ADARB1: variants seen among roughly 807,000 people sequenced by gnomAD.
The protein encoded by ADARB1 is double-stranded RNA-specific editase 1.
In ADARB1, 10 loss-of-function variants were observed where a neutral mutation model predicts 52.4. The observed-to-expected ratio is 0.19, with a 90% confidence interval of 0.12 to 0.32. ADARB1 has a LOEUF of 0.32. Among genes scored for constraint, ADARB1 ranks in the 10% least tolerant of loss-of-function variants. ADARB1 has a pLI of 1.00. For synonymous variants in ADARB1, 349 were observed against 371.1 expected (o/e 0.94, Z 0.68); for missense variants, 643 against 922.3 (o/e 0.70, Z 3.92).
intron 2 of ADARB1, among the ~76,000 whole-genome samples, chr21:45,137,952 G>A (rs1019732141): frequency 1.3e-5 from 2 of 152,180 alleles, no homozygotes; most frequent in Non-Finnish European, 2.9e-5. Context: ...GGCAGGAAAA[G>A]GGCAGACCTG....
In ADARB1 at chr21:45,223,209, T is replaced by G. The variant is rs1030587539; in HGVS notation, c.*1012T>G. 1 of 985,378 alleles carries G rather than the reference T, an allele frequency of 1.0e-6. No individual in the cohort carries two copies. The highest frequency in any genetic ancestry group is 1.7e-5 in the African/African-American group (1 of 57,246). The allele number at this position is 985,378 out of a possible 1,614,324, so 61.0% of individuals were successfully genotyped here. A position where few individuals can be genotyped will look rare whatever the true frequency, so the allele number is the denominator to read the frequency against. On this transcript the variant is annotated 3_prime_UTR_variant, in exon 11 of 11. Coordinates refer to ENST00000348831, the MANE Select transcript of ADARB1 (RefSeq NM_001112.4). ...AATGATTTCAGTAGATACTCATTCT[T>G]GGAAAATGCCATAGTTTTAAATTAT...
chr21:45,104,665 C>T (rs1332556582), intron 1 of ADARB1, among the ~76,000 whole-genome samples: 2 of 152,218 alleles, frequency 1.3e-5, no homozygotes, highest in African/African-American at 4.8e-5. Context: ...ATTGCTGGGC[C>T]CCTGTGAAGG....
At chr21:45,135,861 C>A (rs900789238) in intron 2 of ADARB1, among the ~76,000 whole-genome samples, 6 of 152,174 alleles carry the variant, frequency 3.9e-5, no homozygotes, top group African/African-American at 1.4e-4. Context: ...CTGTGCTGCC[C>A]CTCACCCTCC....
At chr21:45,187,809 G>A (rs968375233) in intron 8 of ADARB1, among the ~76,000 whole-genome samples, 6 of 152,150 alleles carry the variant, frequency 3.9e-5, no homozygotes, top group Admixed American at 3.3e-4. Context: ...TTAATGTAAT[G>A]TATTAATTGA....
chr21:45,134,520 T>C (rs980997332), intron 2 of ADARB1, among the ~76,000 whole-genome samples: 2 of 151,416 alleles, frequency 1.3e-5, no homozygotes, highest in East Asian at 1.9e-4. Context: ...CTGACGTGTG[T>C]GTGTGTCTGA....
At position 45,130,567 on chromosome 21, in the gene ADARB1, C is replaced by T. The variant is rs13051809; in HGVS notation, c.-48+1994C>T. Among the ~76,000 whole-genome samples, 1,154 of 152,316 alleles carry T rather than the reference C, an allele frequency of 7.6e-3. 9 individuals are homozygous for T. The highest frequency in any genetic ancestry group is 0.02 in the Middle Eastern group (6 of 294). On this transcript the variant is annotated intron_variant, in intron 2 of 10. Coordinates refer to ENST00000348831, the MANE Select transcript of ADARB1 (RefSeq NM_001112.4). ...ACAGTTTGGCGTGTTATTCTTTTCC[C>T]TTTTCAGGGTGGTTTAAATAAAAAT...
chr21:45,146,577 A>G (rs2090020003), intron 2 of ADARB1, among the ~76,000 whole-genome samples: 1 of 152,178 alleles, frequency 6.6e-6, no homozygotes, highest in Admixed American at 6.5e-5. Context: ...TGTGGGGGTA[A>G]ACTAGAGAGA....
chr21:45,201,880 T>A (rs1328890033), intron 8 of ADARB1, among the ~76,000 whole-genome samples: 1 of 151,940 alleles, frequency 6.6e-6, no homozygotes, highest in African/African-American at 2.4e-5. Flanking sequence ...ACGGCTTTTG[T>A]ACAGGGACCT....
chr21:45,139,502 G>T (rs117865164), intron 2 of ADARB1, among the ~76,000 whole-genome samples: 1 of 151,964 alleles, frequency 6.6e-6, no homozygotes, highest in Non-Finnish European at 1.5e-5. Flanking sequence ...TTCTTGCCTG[G>T]CATGGAGTGG....
chr21:45,140,573 G>T (rs149506543), intron 2 of ADARB1, among the ~76,000 whole-genome samples: 4 of 152,140 alleles, frequency 2.6e-5, no homozygotes, highest in African/African-American at 7.2e-5. Context: ...GCTCAGTGGC[G>T]TTCTGAGCGG....
At chr21:45,193,121 A>T (rs1348834437) in intron 8 of ADARB1, among the ~76,000 whole-genome samples, 1 of 152,230 alleles carries the variant, frequency 6.6e-6, no homozygotes, top group East Asian at 1.9e-4. Flanking sequence ...CCAAAACCAG[A>T]TGAAGACACC....
chr21:45,102,080 C>T (rs1005976162), intron 1 of ADARB1, among the ~76,000 whole-genome samples: 7 of 152,070 alleles, frequency 4.6e-5, no homozygotes, highest in South Asian at 2.1e-4. Flanking sequence ...TTTGTAGAGA[C>T]GGAGTCTTGC....
intron 8 of ADARB1, among the ~76,000 whole-genome samples, chr21:45,192,176 AAG>A (rs2146272493): frequency 6.6e-6 from 1 of 152,244 alleles, no homozygotes; most frequent in African/African-American, 2.4e-5. Flanking sequence ...AGAGCTAAAA[AAG>A]AGTCAGCTAA....
chr21:45,180,837 A>G (rs1453592545), intron 5 of ADARB1, among the ~76,000 whole-genome samples: 1 of 152,218 alleles, frequency 6.6e-6, no homozygotes, highest in African/African-American at 2.4e-5. Context: ...TCCTTTGAGG[A>G]GGGAGAGAGC....
chr21:45,153,267 A>G (rs2090391549), intron 2 of ADARB1, among the ~76,000 whole-genome samples: 1 of 152,190 alleles, frequency 6.6e-6, no homozygotes, highest in Admixed American at 6.5e-5. Flanking sequence ...ACCAGATTCA[A>G]AAGTTGTCCA....
chr21:45,089,607 C>T (rs2086484277), intron 1 of ADARB1, among the ~76,000 whole-genome samples: 1 of 152,070 alleles, frequency 6.6e-6, no homozygotes. Flanking sequence ...TTGTTTTTCA[C>T]ATTTAGCATA....
intron 2 of ADARB1, among the ~76,000 whole-genome samples, chr21:45,158,516 T>G (rs1390389399): frequency 6.6e-6 from 1 of 151,968 alleles, no homozygotes; most frequent in African/African-American, 2.4e-5. Context: ...GGTCAGAGAG[T>G]TTAGGGATCT....
intron 6 of ADARB1, among the ~76,000 whole-genome samples, chr21:45,183,058 T>C (rs756009539): frequency 7.9e-5 from 12 of 152,224 alleles, no homozygotes; most frequent in African/African-American, 1.2e-4. Flanking sequence ...ATTTTTATTC[T>C]AGTCACCGTT....
At chr21:45,149,953 T>C (rs981529868) in intron 2 of ADARB1, among the ~76,000 whole-genome samples, 13 of 152,142 alleles carry the variant, frequency 8.5e-5, no homozygotes, top group African/African-American at 2.9e-4. Flanking sequence ...TTACAGAAAA[T>C]GTTTGCTACC....
Sources: allele counts gnomAD v4.1 joint callset (sites outside exome capture counted in the v4.1 genomes callset), GRCh38; gene constraint gnomAD v4.1.1; transcripts MANE v1.5; gene names NCBI Gene and HGNC (gene_info 2026-07-23, HGNC 2026-07-21).